The following CTNNA1 variants were observed in gnomAD, a reference collection of about 807,000 sequenced individuals.
CTNNA1 encodes catenin alpha 1.
A neutral mutation model predicts 98.4 loss-of-function variants in CTNNA1; 37 were observed. The observed-to-expected ratio is 0.38, with a 90% CI of 0.29 to 0.49. The LOEUF (loss-of-function observed/expected upper bound fraction) is 0.49. Among genes scored for constraint, CTNNA1 ranks in the 20% least tolerant of loss-of-function variants. The pLI is 0.95. For missense variants in CTNNA1, 761 were observed against 1,147.2 expected, an observed-to-expected ratio of 0.66 and a Z score of 4.86; for synonymous variants, 404 against 413.2, an observed-to-expected ratio of 0.98 and a Z score of 0.27.
intron 3 of CTNNA1, among the ~76,000 whole-genome samples, chr5:138,803,565 C>T (rs1314215581): frequency 6.6e-6 from 1 of 152,186 alleles, no homozygotes; most frequent in African/African-American, 2.4e-5. Context: ...TTGTCTTGTG[C>T]TAGCCACATT....
chr5:138,856,819 T>A (rs763560281), intron 7 of CTNNA1, among the ~76,000 whole-genome samples: 3 of 152,226 alleles, frequency 2.0e-5, no homozygotes, highest in Non-Finnish European at 4.4e-5. Flanking sequence ...GCCTAATTCA[T>A]GAGATGAAAT....
intron 9 of CTNNA1, among the ~76,000 whole-genome samples, chr5:138,894,455 A>AT (rs1756284867): frequency 7.1e-6 from 1 of 139,912 alleles, no homozygotes; most frequent in African/African-American, 2.7e-5. Context: ...AATTTTTTTC[A>AT]TTTTTTGCAG....
At chr5:138,758,219 T>G (rs962435482) in intron 1 of CTNNA1, among the ~76,000 whole-genome samples, 5 of 151,926 alleles carry the variant, frequency 3.3e-5, no homozygotes, top group African/African-American at 1.2e-4. Flanking sequence ...TATTTTTTTT[T>G]GAGATGGAGT....
intron 7 of CTNNA1, chr5:138,875,797 G>A: frequency 3.3e-6 from 3 of 897,734 alleles, no homozygotes; most frequent in East Asian, 1.2e-4. Context: ...GTCATGCTTG[G>A]TTAAAATCAA....
chr5:138,858,822 C>T (rs902626410), intron 7 of CTNNA1, among the ~76,000 whole-genome samples: 1 of 152,174 alleles, frequency 6.6e-6, no homozygotes, highest in Non-Finnish European at 1.5e-5. Context: ...TTGGTCTGAA[C>T]TCCTGACCTC....
chr5:138,928,940 G>GAA (rs5871688), intron 13 of CTNNA1, among the ~76,000 whole-genome samples: 213 of 145,322 alleles, frequency 1.5e-3, no homozygotes, highest in Admixed American at 3.6e-3. Context: ...TGTCTCAAAG[G>GAA]AAAAAAAAAA....
chr5:138,819,677 A>G (rs879207893), intron 5 of CTNNA1, among the ~76,000 whole-genome samples: 1 of 152,130 alleles, frequency 6.6e-6, no homozygotes, highest in Admixed American at 6.5e-5. Flanking sequence ...CCTTGGATTC[A>G]GGGCACCGCT....
At chr5:138,811,015 G>T (rs1403881620) in intron 4 of CTNNA1, among the ~76,000 whole-genome samples, 1 of 151,526 alleles carries the variant, frequency 6.6e-6, no homozygotes, top group East Asian at 2.0e-4. Context: ...GCCTGGCGGG[G>T]GCTGACCCCC....
chr5:138,859,214 A>G (rs1004683655), intron 7 of CTNNA1, among the ~76,000 whole-genome samples: 40 of 152,232 alleles, frequency 2.6e-4, no homozygotes, highest in African/African-American at 9.6e-4. Flanking sequence ...GTTTTCCAAT[A>G]GCACATGACT....
chr5:138,848,840 C>T (rs1198570453), intron 7 of CTNNA1, among the ~76,000 whole-genome samples: 1 of 152,176 alleles, frequency 6.6e-6, no homozygotes, highest in African/African-American at 2.4e-5. Context: ...TTTCCTGCCT[C>T]AGCCTCCTGA....
At position 138,796,166 on chromosome 5, in the gene CTNNA1, G is replaced by A. The variant is rs529184756; in HGVS notation, c.301+12794G>A. 3.9e-5 allele frequency among the ~76,000 whole-genome samples: 6 copies of A among 152,270 alleles called. No homozygotes were observed. In the East Asian group the frequency reaches 1.2e-3, roughly 29 times the overall value. ...TCTCTTTAATACTGTTATGTCAAGA[G>A]TTTTATTCACTTTTCACATTTTCAA... is the stretch of plus-strand genomic sequence containing the variant. On this transcript the variant is annotated intron_variant, in intron 3 of 17. Transcript: ENST00000302763.
intron 1 of CTNNA1, among the ~76,000 whole-genome samples, chr5:138,765,410 G>A (rs554525610): frequency 1.9e-4 from 29 of 152,172 alleles, no homozygotes; most frequent in Admixed American, 1.7e-3. Flanking sequence ...TTGAACTCCT[G>A]ACCTCAAGTG....
chr5:138,891,087 G>C (rs1755241540), intron 9 of CTNNA1: 1 of 152,218 alleles, frequency 6.6e-6, no homozygotes, highest in South Asian at 2.1e-4. Flanking sequence ...TTGTTACCCA[G>C]TGATTTACCA....
At position 138,906,840 on chromosome 5, in the gene CTNNA1, T is replaced by C. The variant is rs537576820; in HGVS notation, c.1389+2399T>C. On this transcript the variant is annotated intron_variant, in intron 10 of 17. Coordinates refer to ENST00000302763, the MANE Select transcript of CTNNA1 (RefSeq NM_001903.5). ...CACCTGGGCTCATTGCTACTCTTGC[T>C]CACAAACTGCTATGCACACAGGACT... Among the ~76,000 whole-genome samples the C allele has an allele frequency of 5.5e-4, 84 of 152,298 alleles. 1 individual carries two copies. The highest frequency in any genetic ancestry group is 2.0e-3 in the African/African-American group (84 of 41,570).
intron 7 of CTNNA1, chr5:138,869,144 G>A (rs1399705422): frequency 6.8e-6 from 1 of 147,250 alleles, no homozygotes; most frequent in Non-Finnish European, 1.5e-5. Context: ...TTGATAGGAA[G>A]GTTCACCAAA....
chr5:138,921,703 C>T (rs548811750), intron 11 of CTNNA1, among the ~76,000 whole-genome samples: 3 of 146,870 alleles, frequency 2.0e-5, no homozygotes, highest in South Asian at 2.2e-4. Context: ...CAGGTTCAAG[C>T]GATTCTCCTG....
intron 7 of CTNNA1, chr5:138,869,870 T>C (rs2149914397): frequency 6.5e-6 from 1 of 152,798 alleles, no homozygotes; most frequent in East Asian, 1.9e-4. Flanking sequence ...TTTTTGATGC[T>C]GGCAGTGGGT....
intron 13 of CTNNA1, 111 bp downstream of exon 13, chr5:138,925,518 A>G: frequency 4.3e-6 from 6 of 1,400,186 alleles, no homozygotes; most frequent in Admixed American, 2.3e-5. Context: ...TATTAAAACC[A>G]TGAATCTAAA....
intron 1 of CTNNA1, among the ~76,000 whole-genome samples, chr5:138,773,314 T>C (rs1753749249): frequency 6.6e-6 from 1 of 152,318 alleles, no homozygotes; most frequent in Non-Finnish European, 1.5e-5. Context: ...GTAGGATCTT[T>C]AGAGTGCCTT....
Sources: gnomAD v4.1 joint callset for allele counts (sites outside exome capture counted in the v4.1 genomes callset) on GRCh38, gnomAD v4.1.1 for gene constraint, MANE v1.5 for transcripts, NCBI Gene and HGNC (gene_info 2026-07-23, HGNC 2026-07-21) for gene names.